The following NLGN1 variants were observed in gnomAD, a reference collection of about 807,000 sequenced individuals.
NLGN1 encodes the protein neuroligin-1.
In NLGN1, 12 loss-of-function variants were observed where a neutral mutation model predicts 65.5. That is an observed-to-expected ratio of 0.18 (90% CI 0.12 to 0.30). The LOEUF is 0.30. Among genes scored for constraint, NLGN1 ranks in the 10% least tolerant of loss-of-function variants. The probability of loss-of-function intolerance (pLI) is 1.00; values close to 1 mark genes in which losing one functional copy is unlikely to be tolerated. For missense variants in NLGN1, 750 were observed against 1,007.1 expected (o/e 0.74, Z 3.46); for synonymous variants, 350 against 359.5 (o/e 0.97, Z 0.30).
intron 2 of NLGN1, among the ~76,000 whole-genome samples, chr3:173,518,959 T>C (rs542490814): frequency 6.6e-6 from 1 of 152,026 alleles, no homozygotes; most frequent in Non-Finnish European, 1.5e-5. Context: ...GATATAATGA[T>C]CTTGTTGGCT....
intron 2 of NLGN1, among the ~76,000 whole-genome samples, chr3:173,442,586 C>T (rs748184103): frequency 1.3e-4 from 20 of 152,086 alleles, no homozygotes; most frequent in Admixed American, 2.6e-4. Flanking sequence ...AAATTTTACA[C>T]TAGTTTTCTT....
At position 174,056,410 on chromosome 3, in the gene NLGN1, A is replaced by G. The variant is rs141799029; in HGVS notation, c.647-218905A>G. 6.2e-3 allele frequency among the ~76,000 whole-genome samples: 934 copies of G among 151,812 alleles called. 20 individuals carry two copies. The highest frequency in any genetic ancestry group is 0.037 in the East Asian group (190 of 5,160). ...AAGTAATTTCTTTTTCTTTTCATTG[A>G]ATTGTATGTCATATAAAATGATTAT... On this transcript the variant is annotated intron_variant, in intron 4 of 6. Transcript: ENST00000457714.
At chr3:173,872,039 G>A (rs139423225) in intron 4 of NLGN1, among the ~76,000 whole-genome samples, 158 of 152,220 alleles carry the variant, frequency 1.0e-3, no homozygotes, top group Middle Eastern at 3.4e-3. Flanking sequence ...CCGTGAGGGG[G>A]GGAGTCAGGG....
chr3:173,702,162 C>T (rs1767285937), intron 3 of NLGN1, among the ~76,000 whole-genome samples: 1 of 149,162 alleles, frequency 6.7e-6, no homozygotes, highest in Non-Finnish European at 1.5e-5. Flanking sequence ...TGGCGTGAAC[C>T]CGGGAGGCGG....
At chr3:174,065,477 T>C (rs931562512) in intron 4 of NLGN1, among the ~76,000 whole-genome samples, 1 of 152,144 alleles carries the variant, frequency 6.6e-6, no homozygotes, top group Non-Finnish European at 1.5e-5. Flanking sequence ...GAAAGAGAAT[T>C]TTTCTTGGTG....
intron 3 of NLGN1, among the ~76,000 whole-genome samples, chr3:173,700,939 C>T (rs968007053): frequency 6.6e-6 from 1 of 152,070 alleles, no homozygotes; most frequent in African/African-American, 2.4e-5. Flanking sequence ...TCCTGGCTAA[C>T]ACGGTGAAAC....
chr3:174,211,708 C>G (rs1266704876), intron 4 of NLGN1, among the ~76,000 whole-genome samples: 2 of 150,224 alleles, frequency 1.3e-5, no homozygotes, highest in Non-Finnish European at 3.0e-5. Flanking sequence ...TTCTCCACAT[C>G]CCCATCAGAT....
chr3:173,482,859 G>A (rs1393641730), intron 2 of NLGN1, among the ~76,000 whole-genome samples: 1 of 151,858 alleles, frequency 6.6e-6, no homozygotes, highest in Non-Finnish European at 1.5e-5. Flanking sequence ...ATTATTACAT[G>A]GACAGAATCT....
chr3:173,641,235 C>G (rs1327904065), intron 3 of NLGN1, among the ~76,000 whole-genome samples: 1 of 152,116 alleles, frequency 6.6e-6, no homozygotes, highest in Non-Finnish European at 1.5e-5. Flanking sequence ...TTCTTATACT[C>G]TAATATCTAA....
chr3:174,185,166 C>T (rs1227282835), intron 4 of NLGN1, among the ~76,000 whole-genome samples: 2 of 152,074 alleles, frequency 1.3e-5, no homozygotes, highest in African/African-American at 4.8e-5. Flanking sequence ...ATGTTATTGT[C>T]TCTGTGAAGC....
intron 4 of NLGN1, among the ~76,000 whole-genome samples, chr3:174,045,184 C>T (rs1438516240): frequency 6.6e-6 from 1 of 152,136 alleles, no homozygotes; most frequent in Non-Finnish European, 1.5e-5. Context: ...AATCCGTTTT[C>T]ATGCTGCTAA....
At chr3:174,254,306 A>ATT (rs371427726) in intron 4 of NLGN1, among the ~76,000 whole-genome samples, 7,619 of 113,306 alleles carry the variant, frequency 0.067, 293 homozygotes, top group African/African-American at 0.079. Flanking sequence ...GTCCTTTTTA[A>ATT]TTTTTTTTTT....
At chr3:173,728,749 G>A (rs1039243862) in intron 3 of NLGN1, among the ~76,000 whole-genome samples, 1 of 152,052 alleles carries the variant, frequency 6.6e-6, no homozygotes, top group Non-Finnish European at 1.5e-5. Flanking sequence ...TATAAGTCAA[G>A]CAATGCTAAG....
chr3:173,670,886 A>G (rs1245650497), intron 3 of NLGN1, among the ~76,000 whole-genome samples: 1 of 152,212 alleles, frequency 6.6e-6, no homozygotes, highest in East Asian at 1.9e-4. Context: ...ATAAATCCAG[A>G]TATACAAAAG....
intron 4 of NLGN1, among the ~76,000 whole-genome samples, chr3:174,251,962 C>T (rs1479111419): frequency 6.6e-6 from 1 of 152,074 alleles, no homozygotes; most frequent in Non-Finnish European, 1.5e-5. Context: ...AAAAAGTTTC[C>T]TGACAAAGAG....
At chr3:173,756,601 T>C (rs7643912) in intron 3 of NLGN1, among the ~76,000 whole-genome samples, 74,123 of 151,492 alleles carry the variant, frequency 0.49, 20,997 homozygotes, top group East Asian at 0.69. Context: ...GCAGAAGCAG[T>C]GAGCATAAAA....
chr3:174,093,194 C>CTTA (rs1245244484), intron 4 of NLGN1, among the ~76,000 whole-genome samples: 2 of 152,134 alleles, frequency 1.3e-5, no homozygotes, highest in Non-Finnish European at 2.9e-5. Flanking sequence ...AACACGGAAC[C>CTTA]TTATTTTCAG....
At chr3:174,100,946 T>A (rs1024112979) in intron 4 of NLGN1, among the ~76,000 whole-genome samples, 1 of 152,012 alleles carries the variant, frequency 6.6e-6, no homozygotes, top group Non-Finnish European at 1.5e-5. Flanking sequence ...CCATCATACT[T>A]CTAGAGGCTC....
At chr3:173,864,871 G>A (rs977198381) in intron 4 of NLGN1, among the ~76,000 whole-genome samples, 10 of 152,188 alleles carry the variant, frequency 6.6e-5, no homozygotes, top group African/African-American at 2.2e-4. Flanking sequence ...AATGGTGGAG[G>A]AGAGAGATGG....
Sources: gnomAD v4.1 joint callset for allele counts (sites outside exome capture counted in the v4.1 genomes callset) on GRCh38, gnomAD v4.1.1 for gene constraint, MANE v1.5 for transcripts, NCBI Gene and HGNC (gene_info 2026-07-23, HGNC 2026-07-21) for gene names.